Variants in LMNTD1 observed in about 807,000 individuals in gnomAD.
The protein encoded by LMNTD1 is lamin tail domain containing 1.
In LMNTD1, 35 loss-of-function variants were observed where a neutral mutation model predicts 50.9. The ratio of observed to expected loss-of-function variants is 0.69; its 90% CI spans 0.53 to 0.91. The LOEUF (loss-of-function observed/expected upper bound fraction) is 0.91. Ranked by LOEUF, LMNTD1 falls within the 40% of genes least tolerant of loss-of-function variation. The pLI is 0.00. For synonymous variants in LMNTD1, 153 were observed against 161.9 expected (o/e 0.94, Z 0.42); for missense variants, 470 against 475.5 (o/e 0.99, Z 0.11).
chr12:25,643,647 A>T (rs1276536252), intron 1 of LMNTD1, among the ~76,000 whole-genome samples: 1 of 152,188 alleles, frequency 6.6e-6, no homozygotes. Context: ...TGGGGCCATG[A>T]CTAATCGAGT....
chr12:25,641,436 G>T lies in LMNTD1; in HGVS notation c.58+7058C>A, dbSNP rs147249125. Among the ~76,000 whole-genome samples the T allele has an allele frequency of 5.6e-3, 847 of 152,216 alleles. 1 individual carries two copies. Among genetic ancestry groups the T allele is most frequent in the Non-Finnish European group, 8.8e-3 (598 of 68,000 alleles). ...GAAAAAAATAATGGGTTCAAATATT[G>T]TCTGTGGCACTTACTATCAATGTGA... On this transcript the variant is annotated intron_variant, in intron 1 of 7. Transcript: ENST00000445693.
intron 1 of LMNTD1, among the ~76,000 whole-genome samples, chr12:25,602,084 T>A (rs571505240): frequency 4.0e-5 from 6 of 151,870 alleles, no homozygotes; most frequent in Non-Finnish European, 8.8e-5. Flanking sequence ...TATCCATGCT[T>A]CTTTTATATT....
intron 4 of LMNTD1, among the ~76,000 whole-genome samples, chr12:25,536,944 C>A (rs534940842): frequency 1.5e-4 from 22 of 149,468 alleles, no homozygotes; most frequent in Admixed American, 1.3e-3. Flanking sequence ...AGTTCCCTTT[C>A]CTAATCAAAG....
chr12:25,636,664 G>A (rs1003374393), intron 1 of LMNTD1, among the ~76,000 whole-genome samples: 5 of 151,990 alleles, frequency 3.3e-5, no homozygotes, highest in Non-Finnish European at 5.9e-5. Flanking sequence ...GACATTATAC[G>A]AAAAAGACAC....
At chr12:25,637,822 T>G (rs1303489960) in intron 1 of LMNTD1, among the ~76,000 whole-genome samples, 1 of 151,916 alleles carries the variant, frequency 6.6e-6, no homozygotes. Context: ...AACAAGCACA[T>G]GAAAATATCA....
At chr12:25,536,686 G>GA (rs886924758) in intron 4 of LMNTD1, among the ~76,000 whole-genome samples, 2 of 136,484 alleles carry the variant, frequency 1.5e-5, no homozygotes, top group African/African-American at 2.8e-5. Context: ...AATTAGGGGA[G>GA]AAAAAAAAAG....
chr12:25,617,582 T>C (rs908026472), intron 1 of LMNTD1, among the ~76,000 whole-genome samples: 3 of 152,190 alleles, frequency 2.0e-5, no homozygotes, highest in Non-Finnish European at 4.4e-5. Context: ...GTTTCTATTT[T>C]TCTAGAGAGT....
chr12:25,573,795 T>C (rs1280522532), intron 1 of LMNTD1, among the ~76,000 whole-genome samples: 1 of 152,156 alleles, frequency 6.6e-6, no homozygotes, highest in Non-Finnish European at 1.5e-5. Context: ...AAATCTTCCC[T>C]GATGAGTTAA....
chr12:25,562,023 T>C (rs567906134), intron 1 of LMNTD1, among the ~76,000 whole-genome samples: 1 of 152,332 alleles, frequency 6.6e-6, no homozygotes, highest in East Asian at 1.9e-4. Context: ...TTTGAGCCTA[T>C]GTGTGTCTCT....
chr12:25,497,781 G>C (rs920036777), intron 9 of LMNTD1: 3 of 149,594 alleles, frequency 2.0e-5, no homozygotes, highest in Admixed American at 1.3e-4. Context: ...CTGGGCAACA[G>C]AGTGAGACTC....
intron 1 of LMNTD1, among the ~76,000 whole-genome samples, chr12:25,602,290 G>A (rs1241800789): frequency 6.6e-6 from 1 of 151,596 alleles, no homozygotes; most frequent in East Asian, 1.9e-4. Context: ...TAGGGGGCAT[G>A]CATCCAAAGA....
chr12:25,549,221 G>A, intron 3 of LMNTD1, 105 bp downstream of exon 3: 1 of 607,286 alleles, frequency 1.6e-6, no homozygotes, highest in Non-Finnish European at 2.8e-6. Flanking sequence ...AGCATTTTGG[G>A]GGAGTAATAA....
At chr12:25,523,108 A>T (rs2136062452) in intron 6 of LMNTD1, among the ~76,000 whole-genome samples, 1 of 152,172 alleles carries the variant, frequency 6.6e-6, no homozygotes, top group Non-Finnish European at 1.5e-5. Flanking sequence ...ATCTTGGCTC[A>T]CTGCAACCTC....
intron 1 of LMNTD1, among the ~76,000 whole-genome samples, chr12:25,645,704 A>C (rs1947055310): frequency 6.6e-6 from 1 of 152,244 alleles, no homozygotes; most frequent in South Asian, 2.1e-4. Flanking sequence ...CCCAGCCGTG[A>C]CATGTAGCAG....
chr12:25,634,380 C>T (rs375019857), intron 1 of LMNTD1, among the ~76,000 whole-genome samples: 1 of 151,978 alleles, frequency 6.6e-6, no homozygotes, highest in East Asian at 1.9e-4. Flanking sequence ...AGGACATAAC[C>T]AAAAAAGAAA....
At chr12:25,532,914 G>T (rs1942323397) in intron 4 of LMNTD1, among the ~76,000 whole-genome samples, 1 of 152,034 alleles carries the variant, frequency 6.6e-6, no homozygotes, top group Non-Finnish European at 1.5e-5. Context: ...TTCTGCCTGG[G>T]AAGATGAGCA....
chr12:25,535,525 C>G (rs1200210851), intron 4 of LMNTD1, among the ~76,000 whole-genome samples: 2 of 152,016 alleles, frequency 1.3e-5, no homozygotes, highest in African/African-American at 4.8e-5. Context: ...ACATCATAAT[C>G]AAATCTCCCA....
intron 1 of LMNTD1, among the ~76,000 whole-genome samples, chr12:25,619,268 A>C (rs1400283467): frequency 3.1e-5 from 3 of 96,726 alleles, no homozygotes; most frequent in Admixed American, 1.0e-4. Flanking sequence ...ATATATATAT[A>C]TATATATATA....
At chr12:25,532,798 C>T (rs1176836965) in intron 4 of LMNTD1, among the ~76,000 whole-genome samples, 1 of 152,130 alleles carries the variant, frequency 6.6e-6, no homozygotes, top group African/African-American at 2.4e-5. Flanking sequence ...TACTCTTTGA[C>T]ATCCCTGGAA....
Sources: allele counts gnomAD v4.1 joint callset (sites outside exome capture counted in the v4.1 genomes callset), GRCh38; gene constraint gnomAD v4.1.1; transcripts MANE v1.5; gene names NCBI Gene and HGNC (gene_info 2026-07-23, HGNC 2026-07-21).